Variants in CDK14 observed in about 807,000 individuals in gnomAD.
CDK14 encodes the protein cyclin dependent kinase 14.
CDK14 carries 34 observed loss-of-function variants against 60.7 expected under a neutral mutation model. The observed-to-expected ratio is 0.56, with a 90% CI of 0.43 to 0.75. The LOEUF (loss-of-function observed/expected upper bound fraction) is 0.75, where lower values mean the gene tolerates loss of function less well. CDK14 is among the 30% of genes least tolerant of loss of function. The probability of loss-of-function intolerance (pLI) is 0.00; values close to 1 mark genes in which losing one functional copy is unlikely to be tolerated. For missense variants in CDK14, 482 were observed against 564.1 expected (o/e 0.85, Z 1.47); for synonymous variants, 197 against 203.7 (o/e 0.97, Z 0.28).
intron 1 of CDK14, among the ~76,000 whole-genome samples, chr7:90,599,279 TA>T (rs1249434562): frequency 2.6e-5 from 4 of 152,040 alleles, no homozygotes; most frequent in Non-Finnish European, 5.9e-5. Flanking sequence ...TTGTTTTTGT[TA>T]TTATTAGGAA....
chr7:90,980,377 T>A lies in CDK14; in HGVS notation c.948-3771T>A, dbSNP rs573681810. ...GGAACAAAGGAGACATTTCCTGATA[T>A]AAGATTATATATCATAAATTATAGT... On this transcript the variant is annotated intron_variant, in intron 9 of 14. Coordinates refer to ENST00000380050, the MANE Select transcript of CDK14 (RefSeq NM_001287135.2). Among the ~76,000 whole-genome samples, 81 of 152,258 alleles carry A rather than the reference T, an allele frequency of 5.3e-4. 1 individual carries two copies. The highest frequency in any genetic ancestry group is 5.9e-5 in the Non-Finnish European group (4 of 68,012).
Position 90,774,973 on chromosome 7 carries a change from A to T in CDK14, c.465-15600A>T, listed in dbSNP as rs140217235. ...TGAGTAGTACTTGGGGACTCCTCAGAGCCTCATGGTGGTGAATCAGTGATG... is the reference window on the plus strand; with the variant it reads ...TGAGTAGTACTTGGGGACTCCTCAGTGCCTCATGGTGGTGAATCAGTGATG... On this transcript the variant is annotated intron_variant, in intron 4 of 14. Coordinates refer to ENST00000380050, the MANE Select transcript of CDK14 (RefSeq NM_001287135.2). Among the ~76,000 whole-genome samples, 1,221 of 152,340 alleles carry T rather than the reference A, an allele frequency of 8.0e-3. 24 individuals are homozygous for T. Among genetic ancestry groups the T allele is most frequent in the African/African-American group, 0.028 (1,173 of 41,564 alleles).
chr7:91,146,339 T>C (rs1399340982), intron 14 of CDK14, among the ~76,000 whole-genome samples: 5 of 152,188 alleles, frequency 3.3e-5, no homozygotes, highest in Non-Finnish European at 7.3e-5. Context: ...TATTTGGGAT[T>C]ACAGGTGCCC....
chr7:91,067,798 G>C (rs1034080417), intron 11 of CDK14, among the ~76,000 whole-genome samples: 1 of 152,158 alleles, frequency 6.6e-6, no homozygotes, highest in African/African-American at 2.4e-5. Context: ...ATCCTGTCAA[G>C]CTCTAAAAGA....
At chr7:91,073,499 GAAGCACT>G (rs1185351975) in intron 11 of CDK14, among the ~76,000 whole-genome samples, 1 of 152,146 alleles carries the variant, frequency 6.6e-6, no homozygotes, top group Non-Finnish European at 1.5e-5. Flanking sequence ...GCTCCTGAAG[GAAGCACT>G]AAATATGGAA....
At chr7:90,858,711 AAAT>A (rs1310619909) in intron 5 of CDK14, among the ~76,000 whole-genome samples, 1 of 152,106 alleles carries the variant, frequency 6.6e-6, no homozygotes, top group Non-Finnish European at 1.5e-5. Context: ...CTGTGGTTTG[AAAT>A]AATGATCTCT....
chr7:91,064,695 G>A (rs375512536), intron 11 of CDK14, among the ~76,000 whole-genome samples: 1 of 152,124 alleles, frequency 6.6e-6, no homozygotes, highest in African/African-American at 2.4e-5. Flanking sequence ...AAGTGGTTAG[G>A]CCACTTGGTT....
chr7:90,838,430 A>T (rs761087078), intron 5 of CDK14, among the ~76,000 whole-genome samples: 1 of 152,094 alleles, frequency 6.6e-6, no homozygotes, highest in African/African-American at 2.4e-5. Context: ...AGTAACAGTG[A>T]TTTTCAGGGA....
At chr7:90,846,885 T>G (rs935625553) in intron 5 of CDK14, among the ~76,000 whole-genome samples, 3 of 152,182 alleles carry the variant, frequency 2.0e-5, no homozygotes, top group Non-Finnish European at 4.4e-5. Flanking sequence ...CCCTTCACCC[T>G]TATCAGGAAC....
intron 7 of CDK14, among the ~76,000 whole-genome samples, chr7:90,909,883 T>C (rs952112533): frequency 2.0e-5 from 3 of 152,192 alleles, no homozygotes; most frequent in African/African-American, 7.2e-5. Flanking sequence ...ATGTTACTTA[T>C]GTCAGAGTCT....
chr7:90,649,256 C>CTTTCTTTCTTTG, intron 2 of CDK14, among the ~76,000 whole-genome samples: 1 of 47,318 alleles, frequency 2.1e-5, no homozygotes, highest in South Asian at 7.7e-4. Context: ...TTCTTTCTTT[C>CTTTCTTTCTTTG]TTTCTTTCTT....
intron 3 of CDK14, among the ~76,000 whole-genome samples, chr7:90,728,374 T>G (rs1802717888): frequency 6.6e-6 from 1 of 152,026 alleles, no homozygotes; most frequent in Non-Finnish European, 1.5e-5. Context: ...GATCTTCTAG[T>G]TACCTTTTCT....
intron 1 of CDK14, among the ~76,000 whole-genome samples, chr7:90,603,291 C>A (rs1799353099): frequency 3.3e-5 from 5 of 152,128 alleles, no homozygotes; most frequent in Admixed American, 3.3e-4. Context: ...TGAAAAAATT[C>A]CAGTTCTAAA....
At chr7:91,141,192 A>G (rs1800446080) in intron 14 of CDK14, among the ~76,000 whole-genome samples, 1 of 152,232 alleles carries the variant, frequency 6.6e-6, no homozygotes, top group Admixed American at 6.5e-5. Context: ...TCTTTGAGGA[A>G]GTGTAAGTTT....
At chr7:90,958,632 C>T (rs750247727) in intron 9 of CDK14, among the ~76,000 whole-genome samples, 5 of 152,032 alleles carry the variant, frequency 3.3e-5, no homozygotes, top group Non-Finnish European at 7.4e-5. Flanking sequence ...AAAATAAAGG[C>T]CAATGAATGC....
At chr7:91,036,635 C>A (rs1054927321) in intron 10 of CDK14, among the ~76,000 whole-genome samples, 1 of 152,116 alleles carries the variant, frequency 6.6e-6, no homozygotes, top group African/African-American at 2.4e-5. Context: ...TTCACTTCCA[C>A]TTAATAATTA....
intron 7 of CDK14, among the ~76,000 whole-genome samples, chr7:90,901,370 T>C (rs576069217): frequency 6.6e-6 from 1 of 152,256 alleles, no homozygotes; most frequent in South Asian, 2.1e-4. Flanking sequence ...AGCAGGAACT[T>C]TTCCTACTTG....
chr7:90,786,735 A>G (rs933445610), intron 4 of CDK14, among the ~76,000 whole-genome samples: 10 of 146,510 alleles, frequency 6.8e-5, no homozygotes, highest in Non-Finnish European at 1.5e-5. Context: ...TGGGCAACAT[A>G]GTGAGACCTT....
chr7:90,596,592 A>T lies in CDK14; in HGVS notation c.-36A>T. 1 of 1,573,100 alleles carries T rather than the reference A, an allele frequency of 6.4e-7. No homozygotes were observed. Among genetic ancestry groups the T allele is most frequent in the Non-Finnish European group, 8.7e-7 (1 of 1,145,102 alleles). On this transcript the variant is annotated 5_prime_UTR_variant, in exon 1 of 15. Coordinates refer to ENST00000380050, the MANE Select transcript of CDK14 (RefSeq NM_001287135.2). The stretch of plus-strand genomic sequence containing the variant: ...CCGTTGTCTGAGCTGTGCCTGGACC[A>T]GTTTGGGGAAGTTGTCGGGGCTCCG...
Sources: gnomAD v4.1 joint callset for allele counts (sites outside exome capture counted in the v4.1 genomes callset) on GRCh38, gnomAD v4.1.1 for gene constraint, MANE v1.5 for transcripts, NCBI Gene and HGNC (gene_info 2026-07-23, HGNC 2026-07-21) for gene names.